LIFR: variants seen among roughly 807,000 people sequenced by gnomAD.
LIFR encodes the protein LIF receptor subunit alpha.
A neutral mutation model predicts 122.2 loss-of-function variants in LIFR; 84 were observed. That is an observed-to-expected ratio of 0.69 (90% CI 0.58 to 0.82). LIFR has a LOEUF of 0.82. LIFR is among the 40% of genes least tolerant of loss of function. The probability of loss-of-function intolerance (pLI) is 0.00; values close to 1 mark genes in which losing one functional copy is unlikely to be tolerated. For synonymous variants in LIFR, 422 were observed against 434.7 expected (o/e 0.97, Z 0.36); for missense variants, 1,294 against 1,311.6 (o/e 0.99, Z 0.21).
intron 2 of LIFR, among the ~76,000 whole-genome samples, chr5:38,602,862 A>G (rs948881797): frequency 6.6e-6 from 1 of 152,198 alleles, no homozygotes; most frequent in East Asian, 1.9e-4. Context: ...TTAACATTAC[A>G]GTGTTAATTG....
chr5:38,582,812 C>G (rs1170965224), intron 1 of LIFR, among the ~76,000 whole-genome samples: 1 of 152,212 alleles, frequency 6.6e-6, no homozygotes, highest in African/African-American at 2.4e-5. Flanking sequence ...ACAATGCTTA[C>G]TTGGTTTCCT....
intron 1 of LIFR, among the ~76,000 whole-genome samples, chr5:38,564,735 TACACACACACACAC>T (rs3047301): frequency 6.8e-4 from 93 of 137,498 alleles, no homozygotes; most frequent in Admixed American, 2.2e-3. Flanking sequence ...ACACACACAC[TACACACACACACAC>T]ACACACACAC....
At chr5:38,546,462 T>G (rs1193292849) in intron 1 of LIFR, among the ~76,000 whole-genome samples, 1 of 152,156 alleles carries the variant, frequency 6.6e-6, no homozygotes, top group East Asian at 1.9e-4. Flanking sequence ...TATTGCAAAA[T>G]GGAGTGTTTA....
At chr5:38,568,386 G>A (rs1007597602) in intron 1 of LIFR, among the ~76,000 whole-genome samples, 3 of 152,162 alleles carry the variant, frequency 2.0e-5, no homozygotes, top group Non-Finnish European at 4.4e-5. Context: ...CAGGCACATG[G>A]TTGGCATGTT....
chr5:38,538,566 A>C (rs1236876730), intron 1 of LIFR, among the ~76,000 whole-genome samples: 1 of 152,112 alleles, frequency 6.6e-6, no homozygotes, highest in Non-Finnish European at 1.5e-5. Flanking sequence ...AGCCCATGGC[A>C]CCAGTGTCTT....
At chr5:38,492,347 G>A (rs942638534) in intron 14 of LIFR, among the ~76,000 whole-genome samples, 2 of 152,150 alleles carry the variant, frequency 1.3e-5, no homozygotes, top group African/African-American at 4.8e-5. Flanking sequence ...TAAATGGGTA[G>A]ATACTCCATT....
In LIFR at chr5:38,549,313, C is replaced by T. The variant is rs78977287; in HGVS notation, c.-20+7021G>A. Among the ~76,000 whole-genome samples, 881 of 151,354 alleles carry T rather than the reference C, an allele frequency of 5.8e-3. 12 individuals are homozygous for T. Among genetic ancestry groups the T allele is most frequent in the African/African-American group, 0.02 (829 of 40,976 alleles). ...CTCCATAAGCAAAAACAAGGATCAACGTACCCATATGTTTTACAATCTGCT... is the reference window on the plus strand; with the variant it reads ...CTCCATAAGCAAAAACAAGGATCAATGTACCCATATGTTTTACAATCTGCT... On this transcript the variant is annotated intron_variant, in intron 1 of 19. Coordinates refer to ENST00000453190, the MANE Select transcript of LIFR (RefSeq NM_001127671.2).
chr5:38,488,170 T>C (rs142353422), intron 16 of LIFR, among the ~76,000 whole-genome samples: 11 of 152,274 alleles, frequency 7.2e-5, no homozygotes, highest in African/African-American at 2.6e-4. Context: ...AGGCTCTGGA[T>C]GTTTGTGGAA....
chr5:38,592,614 G>A (rs1375039778), intron 1 of LIFR, among the ~76,000 whole-genome samples: 5 of 147,606 alleles, frequency 3.4e-5, no homozygotes, highest in South Asian at 2.1e-4. Flanking sequence ...CTGAGATTGC[G>A]CCACTGCGCT....
At chr5:38,544,615 C>T (rs914834254) in intron 1 of LIFR, among the ~76,000 whole-genome samples, 4 of 152,214 alleles carry the variant, frequency 2.6e-5, no homozygotes, top group Non-Finnish European at 5.9e-5. Flanking sequence ...ACTGCTCACT[C>T]TTCCTTGTGG....
At chr5:38,566,333 GA>G (rs1173475625) in intron 1 of LIFR, among the ~76,000 whole-genome samples, 2 of 152,210 alleles carry the variant, frequency 1.3e-5, no homozygotes, top group Non-Finnish European at 2.9e-5. Context: ...AAAGTTTGCA[GA>G]CGTATCAGTT....
chr5:38,523,919 T>C (rs1746538271), intron 4 of LIFR, among the ~76,000 whole-genome samples: 1 of 152,214 alleles, frequency 6.6e-6, no homozygotes, highest in African/African-American at 2.4e-5. Context: ...CTCCCAATGC[T>C]TCATCAGCCA....
At chr5:38,524,294 T>C (rs980223156) in intron 4 of LIFR, among the ~76,000 whole-genome samples, 2 of 152,074 alleles carry the variant, frequency 1.3e-5, no homozygotes, top group African/African-American at 4.8e-5. Context: ...GACTAAGGCA[T>C]TGAGTTAAGA....
intron 5 of LIFR, among the ~76,000 whole-genome samples, chr5:38,518,710 T>G (rs956030009): frequency 6.6e-6 from 1 of 152,244 alleles, no homozygotes; most frequent in Admixed American, 6.5e-5. Context: ...TCTATCATTA[T>G]TTTTGAGGGT....
chr5:38,507,651 A>C (rs1209356218), intron 7 of LIFR, among the ~76,000 whole-genome samples: 1 of 151,806 alleles, frequency 6.6e-6, no homozygotes, highest in African/African-American at 2.4e-5. Context: ...AATCATGTTT[A>C]ACCATACACA....
In LIFR at chr5:38,490,196, C is replaced by A; in HGVS notation, c.2161G>T (p.Glu721Ter). 2 of 1,481,340 alleles carry A rather than the reference C, an allele frequency of 1.4e-6. No homozygotes were observed. The allele number at this position is 1,481,340 out of a possible 1,614,324, so 91.8% of individuals were successfully genotyped here. The change falls in exon 15 of 20, where the codon GAA (glutamate) becomes TAA (stop). Residue 721 changes from glutamate to a stop codon, truncating the protein, a stop_gained. Coordinates refer to ENST00000453190, the MANE Select transcript of LIFR (RefSeq NM_001127671.2). LOFTEE classifies it high-confidence loss of function. ...AAGTACCCATTTAACTTACCCAATT[C>A]TTCTATATATCCAATCATGGAGCGT... ...LLRSMIGYIEELAPIVAPNFT... is the reference protein window; with the variant it reads ...LLRSMIGYIE
Position 38,475,419 on chromosome 5 carries a change from C to T in LIFR, c.*6176G>A, listed in dbSNP as rs1314124448. The T allele has an allele frequency of 5.0e-6, 1 of 198,074 alleles. No individual in the cohort carries two copies. Among genetic ancestry groups the T allele is most frequent in the African/African-American group, 2.3e-5 (1 of 43,416 alleles). 12.3% of individuals were successfully genotyped at this position (198,074 alleles called of 1,614,324 possible). A position where few individuals can be genotyped will look rare whatever the true frequency, so the allele number is the denominator to read the frequency against. ...ACATGATTTTAGGTACAGCACATCACAACTGTTTATTCACCTTAAAAAAAT... is the reference window on the plus strand; with the variant it reads ...ACATGATTTTAGGTACAGCACATCATAACTGTTTATTCACCTTAAAAAAAT... On this transcript the variant is annotated 3_prime_UTR_variant, in exon 20 of 20. Transcript: ENST00000453190.
At position 38,477,477 on chromosome 5, in the gene LIFR, C is replaced by T. The variant is rs1057264444; in HGVS notation, c.*4118G>A. On this transcript the variant is annotated 3_prime_UTR_variant, in exon 20 of 20. Transcript: ENST00000453190. ...GAGAATGAGTTCTGAATCAGTTAAC[C>T]TCACACACGGACACACTGTTGGGCA... 4 of 215,530 alleles carry T rather than the reference C, an allele frequency of 1.9e-5. No homozygotes were observed. The highest frequency in any genetic ancestry group is 9.0e-5 in the African/African-American group (4 of 44,334). 13.4% of individuals were successfully genotyped at this position (215,530 alleles called of 1,614,324 possible). A position where few individuals can be genotyped will look rare whatever the true frequency, so the allele number is the denominator to read the frequency against.
chr5:38,595,860 G>A (rs1750083003), upstream of LIFR, among the ~76,000 whole-genome samples: 1 of 71,588 alleles, frequency 1.4e-5, no homozygotes. Flanking sequence ...AGCCTCCCGA[G>A]TAGCTGGGAC....
Sources: gnomAD v4.1 joint callset for allele counts (sites outside exome capture counted in the v4.1 genomes callset) on GRCh38, gnomAD v4.1.1 for gene constraint, MANE v1.5 for transcripts, NCBI Gene and HGNC (gene_info 2026-07-23, HGNC 2026-07-21) for gene names.